The following TEX15 variants were observed in gnomAD, a reference collection of about 807,000 sequenced individuals.
TEX15 encodes the protein testis expressed 15, meiosis and synapsis associated, also known as testis-expressed protein 15.
A neutral mutation model predicts 237.3 loss-of-function variants in TEX15; 171 were observed. The ratio of observed to expected loss-of-function variants is 0.72; its 90% CI spans 0.64 to 0.82. The LOEUF (loss-of-function observed/expected upper bound fraction) is 0.82. Among genes scored for constraint, TEX15 ranks in the 40% least tolerant of loss-of-function variants. The probability of loss-of-function intolerance (pLI) is 0.00; values close to 1 mark genes in which losing one functional copy is unlikely to be tolerated. For missense variants in TEX15, 3,750 were observed against 3,646.5 expected, an observed-to-expected ratio of 1.03 and a Z score of -0.73; for synonymous variants, 1,338 against 1,269.8, an observed-to-expected ratio of 1.05 and a Z score of -1.14.
chr8:30,846,522 A>G lies in TEX15; in HGVS notation c.3645T>C (p.Asp1215=). The G allele has an allele frequency of 6.2e-7, 1 of 1,613,752 alleles. No homozygotes were observed. The highest frequency in any genetic ancestry group is 8.5e-7 in the Non-Finnish European group (1 of 1,179,764). The change falls in exon 8 of 11, where the codon GAT becomes GAC. Residue 1215 remains aspartate, a synonymous_variant. Coordinates refer to ENST00000643185, the MANE Select transcript of TEX15 (RefSeq NM_001350162.2). ...IYSQPFGENA[D]YPCEDKVDNI... The stretch of plus-strand genomic sequence containing the variant: ...TATCAACTTTATCTTCACATGGATA[A>G]TCTGCATTTTCACCAAAAGGCTGGG...
chr8:30,877,446 GACAAAA>G (rs1450116436), intron 3 of TEX15, among the ~76,000 whole-genome samples: 1 of 152,026 alleles, frequency 6.6e-6, no homozygotes, highest in East Asian at 1.9e-4. Context: ...TTAACATAAT[GACAAAA>G]ACAATATAAA....
At position 30,847,778 on chromosome 8, in the gene TEX15, A is replaced by C; in HGVS notation, c.2389T>G (p.Cys797Gly). The change falls in exon 8 of 11, where the codon TGC becomes GGC. Residue 797 changes from cysteine to glycine, a missense_variant. Coordinates refer to ENST00000643185, the MANE Select transcript of TEX15 (RefSeq NM_001350162.2). Reference sequence around the variant, plus strand: ...CATATATGTTCTCTAGTTATGCTGCAATTTGAACTGTCATGAGCTGTTTCT... The same window carrying C: ...CATATATGTTCTCTAGTTATGCTGCCATTTGAACTGTCATGAGCTGTTTCT... ...NIETAHDSSN[C>G]SITREHICVH... 1 of 1,613,756 alleles carries C rather than the reference A, an allele frequency of 6.2e-7. No homozygotes were observed. Among genetic ancestry groups the C allele is most frequent in the Non-Finnish European group, 8.5e-7 (1 of 1,179,938 alleles).
intron 5 of TEX15, among the ~76,000 whole-genome samples, chr8:30,865,208 G>A (rs764511439): frequency 2.8e-4 from 42 of 151,946 alleles, no homozygotes; most frequent in Non-Finnish European, 5.4e-4. Flanking sequence ...CAATAAATTG[G>A]AAAACCCAAA....
At chr8:30,877,146 G>A (rs1024403882) in intron 3 of TEX15, among the ~76,000 whole-genome samples, 7 of 152,182 alleles carry the variant, frequency 4.6e-5, no homozygotes, top group Non-Finnish European at 1.0e-4. Context: ...CAGTATGAGA[G>A]CTGAAACAAC....
In TEX15 at chr8:30,876,956, G is replaced by A. The variant is rs984850464; in HGVS notation, c.137-1854C>T. ...TAAGGGGCCTTTCCCTCCTTGCTGA[G>A]CTCTTCTTTCTCCTGACTCCATGTG... On this transcript the variant is annotated intron_variant, in intron 3 of 10. Coordinates refer to ENST00000643185, the MANE Select transcript of TEX15 (RefSeq NM_001350162.2). Among the ~76,000 whole-genome samples the A allele has an allele frequency of 3.3e-5, 5 of 152,058 alleles. No individual in the cohort carries two copies. In the South Asian group the frequency reaches 8.3e-4, roughly 25 times the overall value.
At chr8:30,839,166 ATAT>A (rs1286969411) in intron 9 of TEX15, among the ~76,000 whole-genome samples, 10 of 152,086 alleles carry the variant, frequency 6.6e-5, no homozygotes, top group Admixed American at 2.6e-4. Flanking sequence ...GTATGAGGAA[ATAT>A]TATGTTGAGA....
At position 30,844,057 on chromosome 8, in the gene TEX15, T is replaced by A; in HGVS notation, c.6110A>T (p.Lys2037Met). Residue 2037 changes from lysine to methionine, a missense_variant, in exon 8 of 11, where the codon AAG (lysine) becomes ATG (methionine). Physicochemically the swap from Lys to Met is moderately conservative, Grantham distance 95. Transcript: ENST00000643185. ...GATTTGTTCAACTGAACATTCTTGCTTTCTTTCAAAAGCTTCCACAAATAA... is the reference window on the plus strand; with the variant it reads ...GATTTGTTCAACTGAACATTCTTGCATTCTTTCAAAAGCTTCCACAAATAA... ...LPLFVEAFER[K>M]QECSVEQILI... 6.2e-7 allele frequency: 1 copy of A among 1,611,908 alleles called. No homozygotes were observed. Among genetic ancestry groups the A allele is most frequent in the Non-Finnish European group, 8.5e-7 (1 of 1,179,262 alleles).
At position 30,847,455 on chromosome 8, in the gene TEX15, G is replaced by A; in HGVS notation, c.2712C>T (p.Asp904=). The part of the protein sequence containing the change: ...ENFSNIDEKE[D]KNYHNIEILS... ...AAATTTCTATATTGTGGTAATTTTT[G>A]TCCTCCTTTTCATCTATATTGCTGA... Residue 904 remains aspartate (D), a synonymous_variant, in exon 8 of 11, where the codon GAC becomes GAT. Coordinates refer to ENST00000643185, the MANE Select transcript of TEX15 (RefSeq NM_001350162.2). The A allele has an allele frequency of 6.2e-7, 1 of 1,611,160 alleles. No homozygotes were observed. The highest frequency in any genetic ancestry group is 8.5e-7 in the Non-Finnish European group (1 of 1,179,340).
chr8:30,858,305 ATCTTTT>A (rs1386427438), intron 7 of TEX15, among the ~76,000 whole-genome samples: 1 of 151,370 alleles, frequency 6.6e-6, no homozygotes, highest in Non-Finnish European at 1.5e-5. Flanking sequence ...TACTTTTTTT[ATCTTTT>A]TCTTTTTTTT....
In TEX15 at chr8:30,867,304, A is replaced by C; in HGVS notation, c.501T>G (p.His167Gln). 1 of 1,515,748 alleles carries C rather than the reference A, an allele frequency of 6.6e-7. No individual in the cohort carries two copies. The highest frequency in any genetic ancestry group is 8.9e-7 in the Non-Finnish European group (1 of 1,128,740). The allele number at this position is 1,515,748 out of a possible 1,614,324, so 93.9% of individuals were successfully genotyped here. Residue 167 changes from histidine to glutamine, a missense_variant, in exon 5 of 11, where the codon CAT (histidine) becomes CAG (glutamine). Coordinates refer to ENST00000643185, the MANE Select transcript of TEX15 (RefSeq NM_001350162.2). The stretch of plus-strand genomic sequence containing the variant: ...TACTTTCTACAGTAATGCTTTGACT[A>C]TGAGAATAATTCAAGGCAATATCAA... ...RHVDIALNYS[H>Q]SQSITVESIL...
Position 30,844,539 on chromosome 8 carries a change from CTTTT to C in TEX15, c.5624_5627del (p.Gln1875ArgfsTer10), listed in dbSNP as rs1563235521. ...AGCAGGATTCTTCTGAGATCTGATTCTTTTGATTTTTGTACTCAGTATTAACAGT... is the reference window on the plus strand; with the variant it reads ...AGCAGGATTCTTCTGAGATCTGATTCGATTTTTGTACTCAGTATTAACAGT... On this transcript the variant is annotated frameshift_variant, in exon 8 of 11. Transcript: ENST00000643185. LOFTEE classifies it high-confidence loss of function. 3 of 1,612,216 alleles carry C rather than the reference CTTTT, an allele frequency of 1.9e-6. No individual in the cohort carries two copies. The highest frequency in any genetic ancestry group is 2.5e-6 in the Non-Finnish European group (3 of 1,179,402).
At chr8:30,884,500 A>G (rs182437544) in intron 3 of TEX15, among the ~76,000 whole-genome samples, 29 of 152,308 alleles carry the variant, frequency 1.9e-4, no homozygotes, top group Admixed American at 1.0e-3. Flanking sequence ...TATTGATTCA[A>G]TTTGTTTAAT....
intron 4 of TEX15, among the ~76,000 whole-genome samples, chr8:30,873,983 TA>T (rs1325823772): frequency 6.6e-6 from 1 of 152,168 alleles, no homozygotes; most frequent in African/African-American, 2.4e-5. Context: ...ACAAAAATTT[TA>T]ATGTCCAAAA....
Position 30,847,666 on chromosome 8 carries a change from C to T in TEX15, c.2501G>A (p.Gly834Asp), listed in dbSNP as rs769243731. 1 of 1,613,810 alleles carries T rather than the reference C, an allele frequency of 6.2e-7. No homozygotes were observed. Among genetic ancestry groups the T allele is most frequent in the Non-Finnish European group, 8.5e-7 (1 of 1,179,900 alleles). Reference protein sequence around the residue: ...YKETAYVEDRGQDHNLFCNSQ... With the variant: ...YKETAYVEDRDQDHNLFCNSQ... ...ATTACAGAACAGATTGTGATCCTGA[C>T]CCCTATCTTCAACATAAGCAGTTTC... Residue 834 changes from glycine (G) to aspartate (D), a missense_variant, in exon 8 of 11, where the codon GGT (glycine) becomes GAT (aspartate). Gly to Asp is a moderately conservative substitution (Grantham distance 94). Transcript: ENST00000643185.
At chr8:30,911,298 T>C (rs978915210) in intron 1 of TEX15, among the ~76,000 whole-genome samples, 27 of 152,198 alleles carry the variant, frequency 1.8e-4, no homozygotes, top group African/African-American at 6.5e-4. Context: ...TTCGTATTTT[T>C]TGTATTATTA....
chr8:30,837,932 T>C lies in TEX15; in HGVS notation c.8352A>G (p.Leu2784=). 6.2e-7 allele frequency: 1 copy of C among 1,614,196 alleles called. No individual in the cohort carries two copies. The highest frequency in any genetic ancestry group is 8.5e-7 in the Non-Finnish European group (1 of 1,180,014). The change falls in exon 10 of 11, where the codon TTA becomes TTG. Residue 2784 remains leucine, a synonymous_variant. Coordinates refer to ENST00000643185, the MANE Select transcript of TEX15 (RefSeq NM_001350162.2). The part of the protein sequence containing the change: ...QRSLPGSLLP[L]ENPKDTCASK... ...ATGCGCAAGTGTCTTTTGGGTTCTC[T>C]AAGGGTAAAAGTGAGCCAGGTAGTG... is the stretch of plus-strand genomic sequence containing the variant.
chr8:30,849,372 T>C (rs546492920), intron 7 of TEX15, 56 bp from the exon 8 acceptor site: 1 of 948,358 alleles, frequency 1.1e-6, no homozygotes, highest in South Asian at 1.7e-5. Flanking sequence ...TAGACAACTA[T>C]TAATACAGGT....
chr8:30,839,991 C>T (rs1807413778), intron 8 of TEX15, 27 bp from the exon 9 acceptor site: 1 of 1,408,474 alleles, frequency 7.1e-7, no homozygotes, highest in African/African-American at 1.4e-5. Flanking sequence ...CAAAGAAAAT[C>T]TTCATTAGTG....
At chr8:30,896,546 TAAAAA>T (rs10714910) in intron 2 of TEX15, among the ~76,000 whole-genome samples, 1 of 145,314 alleles carries the variant, frequency 6.9e-6, no homozygotes, top group Non-Finnish European at 1.5e-5. Context: ...ACCATACGAT[TAAAAA>T]AAAAAAAGTC....
Sources: allele counts gnomAD v4.1 joint callset (sites outside exome capture counted in the v4.1 genomes callset), GRCh38; gene constraint gnomAD v4.1.1; transcripts MANE v1.5; gene names NCBI Gene and HGNC (gene_info 2026-07-23, HGNC 2026-07-21).